Variants in NFIB observed in about 807,000 individuals in gnomAD.
The protein encoded by NFIB is nuclear factor I B.
In NFIB, 11 loss-of-function variants were observed where a neutral mutation model predicts 61.5. The ratio of observed to expected loss-of-function variants is 0.18; its 90% CI spans 0.11 to 0.30. NFIB has a LOEUF of 0.30. Ranked by LOEUF, NFIB falls within the 10% of genes least tolerant of loss-of-function variation. The pLI, the probability that NFIB is intolerant of heterozygous loss-of-function variation, is 1.00. For synonymous variants in NFIB, 260 were observed against 216.5 expected (o/e 1.20, Z -1.76); for missense variants, 471 against 608.9 (o/e 0.77, Z 2.38).
At chr9:14,126,016 T>C (rs1465051328) in intron 6 of NFIB, among the ~76,000 whole-genome samples, 1 of 152,236 alleles carries the variant, frequency 6.6e-6, no homozygotes, top group Non-Finnish European at 1.5e-5. Context: ...AAATAAATCT[T>C]AAACTTCTAA....
At chr9:14,231,133 A>ATATATATATAT (rs1392498228) in intron 2 of NFIB, among the ~76,000 whole-genome samples, 116 of 67,094 alleles carry the variant, frequency 1.7e-3, no homozygotes, top group African/African-American at 5.1e-3. Flanking sequence ...AAAAAAAAAA[A>ATATATATATAT]AAATATATAT....
chr9:14,239,762 A>T (rs953145103), intron 2 of NFIB, among the ~76,000 whole-genome samples: 1 of 152,188 alleles, frequency 6.6e-6, no homozygotes. Flanking sequence ...AGTACAAATT[A>T]TTTTCAGAAT....
At chr9:14,098,534 G>A (rs917372381) in intron 10 of NFIB, among the ~76,000 whole-genome samples, 2 of 152,176 alleles carry the variant, frequency 1.3e-5, no homozygotes, top group African/African-American at 4.8e-5. Flanking sequence ...CAGCCAGTCA[G>A]GGAGTAACTG....
chr9:14,173,855 C>T (rs565311820), intron 3 of NFIB, among the ~76,000 whole-genome samples: 2 of 152,210 alleles, frequency 1.3e-5, no homozygotes, highest in African/African-American at 4.8e-5. Flanking sequence ...CTTTTTTTGA[C>T]TCTTTCACAT....
chr9:14,351,765 C>G (rs1329265764), intron 1 of NFIB, among the ~76,000 whole-genome samples: 1 of 152,198 alleles, frequency 6.6e-6, no homozygotes, highest in Non-Finnish European at 1.5e-5. Flanking sequence ...GGGTGGTGAG[C>G]ATGTTGTCCT....
chr9:14,165,119 G>A (rs567412737), intron 3 of NFIB, among the ~76,000 whole-genome samples: 1 of 152,146 alleles, frequency 6.6e-6, no homozygotes, highest in East Asian at 1.9e-4. Context: ...CTAGAAATGT[G>A]AGTAAGAACC....
At chr9:14,259,479 T>C (rs186834463) in intron 2 of NFIB, among the ~76,000 whole-genome samples, 1 of 152,220 alleles carries the variant, frequency 6.6e-6, no homozygotes, top group South Asian at 2.1e-4. Context: ...CAAAAGATCC[T>C]ATGGCTGAGT....
intron 2 of NFIB, among the ~76,000 whole-genome samples, chr9:14,274,102 T>C (rs1037372623): frequency 3.9e-5 from 6 of 152,220 alleles, no homozygotes; most frequent in Non-Finnish European, 5.9e-5. Flanking sequence ...ATATCTCATC[T>C]TGACCACTAC....
the NFIB span, among the ~76,000 whole-genome samples, chr9:14,529,806 G>A: frequency 4.6e-4 from 70 of 152,136 alleles, no homozygotes; most frequent in African/African-American, 1.6e-3. Flanking sequence ...AATAAATTAC[G>A]CAATAATTTT....
At chr9:14,295,246 GT>G (rs1271269638) in intron 2 of NFIB, among the ~76,000 whole-genome samples, 1 of 152,186 alleles carries the variant, frequency 6.6e-6, no homozygotes, top group Non-Finnish European at 1.5e-5. Context: ...ACGGTTTGAG[GT>G]TTTGACTCAA....
intron 2 of NFIB, among the ~76,000 whole-genome samples, chr9:14,254,405 T>C (rs1412494701): frequency 6.6e-6 from 1 of 152,182 alleles, no homozygotes; most frequent in Non-Finnish European, 1.5e-5. Context: ...CTCAGTAGCT[T>C]CACATTTATA....
chr9:14,513,480 T>C, the NFIB span, among the ~76,000 whole-genome samples: 1 of 151,472 alleles, frequency 6.6e-6, no homozygotes, highest in East Asian at 1.9e-4. Flanking sequence ...ATACAAAAAT[T>C]AGCCGGGTGT....
At chr9:14,427,095 T>A in the NFIB span, among the ~76,000 whole-genome samples, 1 of 152,210 alleles carries the variant, frequency 6.6e-6, no homozygotes. Context: ...ATATGTGTAC[T>A]CTTATCATAC....
the NFIB span, among the ~76,000 whole-genome samples, chr9:14,434,757 G>A: frequency 2.0e-5 from 3 of 152,210 alleles, no homozygotes; most frequent in African/African-American, 4.8e-5. Flanking sequence ...TGTAAAACTT[G>A]AAGTAGTAAG....
chr9:14,342,372 A>G (rs1220418286), intron 1 of NFIB, among the ~76,000 whole-genome samples: 1 of 152,134 alleles, frequency 6.6e-6, no homozygotes, highest in Non-Finnish European at 1.5e-5. Flanking sequence ...AGTGGCATGA[A>G]TTCCCTTTGC....
rs1013378581 is a variant in NFIB, at chr9:14,087,517, T to C, written c.*792A>G. The C allele has an allele frequency of 6.2e-5, 14 of 226,196 alleles. No homozygotes were observed. Among genetic ancestry groups the C allele is most frequent in the African/African-American group, 1.3e-4 (6 of 44,892 alleles). The allele number at this position is 226,196 out of a possible 1,614,324, so 14.0% of individuals were successfully genotyped here. A position where few individuals can be genotyped will look rare whatever the true frequency, so the allele number is the denominator to read the frequency against. ...ATGCAGAGAGAACACTTCACCTACATAGAGGCATTTCTTCCATAGAGCCTT... is the reference window on the plus strand; with the variant it reads ...ATGCAGAGAGAACACTTCACCTACACAGAGGCATTTCTTCCATAGAGCCTT... On this transcript the variant is annotated 3_prime_UTR_variant, in exon 11 of 11. Transcript: ENST00000380953.
the NFIB span, among the ~76,000 whole-genome samples, chr9:14,420,578 GC>G: frequency 6.6e-6 from 1 of 151,446 alleles, no homozygotes; most frequent in Admixed American, 6.6e-5. Context: ...ATATTTGGTA[GC>G]AAAAACAACA....
At chr9:14,198,513 C>T (rs1303060765) in intron 2 of NFIB, among the ~76,000 whole-genome samples, 1 of 152,130 alleles carries the variant, frequency 6.6e-6, no homozygotes. Context: ...AGAAGTAGAA[C>T]AGCTTGCCGT....
At chr9:14,523,827 C>T in the NFIB span, among the ~76,000 whole-genome samples, 1 of 152,166 alleles carries the variant, frequency 6.6e-6, no homozygotes, top group South Asian at 2.1e-4. Context: ...ACTGACTGAG[C>T]TTGTGTGCTT....
Sources: gnomAD v4.1 joint callset for allele counts (sites outside exome capture counted in the v4.1 genomes callset) on GRCh38, gnomAD v4.1.1 for gene constraint, MANE v1.5 for transcripts, NCBI Gene and HGNC (gene_info 2026-07-23, HGNC 2026-07-21) for gene names.